Variants in SEMA3D observed in about 807,000 individuals in gnomAD.
SEMA3D encodes the protein semaphorin-3D.
A neutral mutation model predicts 100.1 loss-of-function variants in SEMA3D; 84 were observed. That is an observed-to-expected ratio of 0.84 (90% CI 0.70 to 1.01). The LOEUF (loss-of-function observed/expected upper bound fraction) is 1.01. Among genes scored for constraint, SEMA3D ranks in the 50% least tolerant of loss-of-function variants. The pLI is 0.00. For missense variants in SEMA3D, 875 were observed against 934.1 expected, an observed-to-expected ratio of 0.94 and a Z score of 0.82; for synonymous variants, 312 against 320.7, an observed-to-expected ratio of 0.97 and a Z score of 0.29.
chr7:85,152,815 A>G (rs559841349), intron 2 of SEMA3D, among the ~76,000 whole-genome samples: 2 of 152,264 alleles, frequency 1.3e-5, no homozygotes, highest in Non-Finnish European at 2.9e-5. Context: ...AAAATAGTAG[A>G]AGGGACTACC....
At chr7:85,131,887 C>T (rs1446159329) in intron 2 of SEMA3D, among the ~76,000 whole-genome samples, 1 of 151,818 alleles carries the variant, frequency 6.6e-6, no homozygotes, top group East Asian at 1.9e-4. Flanking sequence ...TTTTAACAAA[C>T]TCTTTATTAA....
chr7:85,066,998 G>C (rs16887821), intron 7 of SEMA3D, among the ~76,000 whole-genome samples: 41,446 of 151,120 alleles, frequency 0.27, 9,507 homozygotes, highest in African/African-American at 0.64. Context: ...CATCCTCTTA[G>C]AGTATTTCCC....
chr7:85,178,020 T>G (rs1019838540), intron 1 of SEMA3D, among the ~76,000 whole-genome samples: 1 of 152,164 alleles, frequency 6.6e-6, no homozygotes, highest in Non-Finnish European at 1.5e-5. Context: ...GATGGTATTA[T>G]AAGGGGCTTT....
chr7:85,021,154 C>T (rs182799753), intron 13 of SEMA3D, among the ~76,000 whole-genome samples: 1 of 151,794 alleles, frequency 6.6e-6, no homozygotes, highest in Non-Finnish European at 1.5e-5. Context: ...ACAAAATAGT[C>T]TGAATTATTT....
intron 15 of SEMA3D, among the ~76,000 whole-genome samples, chr7:85,015,562 G>A (rs534654890): frequency 2.6e-4 from 39 of 151,880 alleles, no homozygotes; most frequent in Non-Finnish European, 4.1e-4. Context: ...AGATGCTATA[G>A]GCAAAGCTCA....
At chr7:85,198,746 A>G in the SEMA3D span, among the ~76,000 whole-genome samples, 2 of 149,096 alleles carry the variant, frequency 1.3e-5, no homozygotes, top group African/African-American at 2.4e-5. Flanking sequence ...AATTGTTTTT[A>G]AAGTTTTTTA....
intron 12 of SEMA3D, among the ~76,000 whole-genome samples, chr7:85,033,730 C>T (rs1001315225): frequency 2.0e-5 from 3 of 151,398 alleles, no homozygotes; most frequent in African/African-American, 4.9e-5. Flanking sequence ...AACAAAAAAC[C>T]CCAAACCAAA....
intron 3 of SEMA3D, among the ~76,000 whole-genome samples, chr7:85,118,529 A>G (rs1346072417): frequency 6.6e-6 from 1 of 152,154 alleles, no homozygotes; most frequent in Non-Finnish European, 1.5e-5. Context: ...CTGGAAGATC[A>G]TTTCAATCCT....
intron 9 of SEMA3D, among the ~76,000 whole-genome samples, chr7:85,051,130 C>A (rs1791152480): frequency 2.0e-5 from 3 of 151,840 alleles, no homozygotes; most frequent in Non-Finnish European, 4.4e-5. Context: ...CATCCAAATT[C>A]ATATGATCTT....
Position 85,059,228 on chromosome 7 carries a change from C to T in SEMA3D, c.719-3369G>A, listed in dbSNP as rs144407692. Among the ~76,000 whole-genome samples the T allele has an allele frequency of 2.7e-3, 414 of 152,160 alleles. 4 individuals are homozygous for T. The highest frequency in any genetic ancestry group is 9.6e-3 in the African/African-American group (398 of 41,518). ...ATACAAATACAAAAATAAATAAAAC[C>T]CTATCTATATACGGGATGGGAAAAA... is the stretch of plus-strand genomic sequence containing the variant. On this transcript the variant is annotated intron_variant, in intron 8 of 18. Transcript: ENST00000284136.
intron 13 of SEMA3D, among the ~76,000 whole-genome samples, chr7:85,020,805 T>C (rs1790234037): frequency 6.6e-6 from 1 of 151,628 alleles, no homozygotes. Flanking sequence ...TCATTGAAGC[T>C]ATCTGAGGGA....
intron 2 of SEMA3D, among the ~76,000 whole-genome samples, chr7:85,151,138 C>A (rs768825447): frequency 6.6e-6 from 1 of 151,212 alleles, no homozygotes; most frequent in Admixed American, 6.6e-5. Flanking sequence ...TAATTAGAGA[C>A]GTTATCTGAT....
At chr7:85,140,900 C>CAA (rs1790029359) in intron 2 of SEMA3D, 1 of 653,296 alleles carries the variant, frequency 1.5e-6, no homozygotes, top group Non-Finnish European at 1.9e-6. Context: ...ATCTTCCTAT[C>CAA]AACACCTCAG....
intron 2 of SEMA3D, chr7:85,142,120 T>G: frequency 1.0e-6 from 1 of 984,812 alleles, no homozygotes; most frequent in Middle Eastern, 5.2e-4. Context: ...TATTAAAATT[T>G]CTAAGCAATT....
At chr7:85,044,253 G>T (rs1420148150) in intron 9 of SEMA3D, among the ~76,000 whole-genome samples, 3 of 151,890 alleles carry the variant, frequency 2.0e-5, no homozygotes, top group Non-Finnish European at 2.9e-5. Context: ...TAAATACTAT[G>T]CTTGAAGAAA....
chr7:85,041,999 C>T (rs1790877775), intron 10 of SEMA3D, 172 bp downstream of exon 10: 1 of 603,204 alleles, frequency 1.7e-6, no homozygotes, highest in Non-Finnish European at 3.0e-6. Flanking sequence ...TGACGTGTGC[C>T]CAGACCTAGA....
intron 3 of SEMA3D, among the ~76,000 whole-genome samples, chr7:85,101,757 G>A (rs937031496): frequency 6.6e-6 from 1 of 151,890 alleles, no homozygotes; most frequent in Non-Finnish European, 1.5e-5. Context: ...GATTCAAGGA[G>A]GTAATTTATA....
intron 2 of SEMA3D, among the ~76,000 whole-genome samples, chr7:85,133,764 A>G (rs1789788699): frequency 6.6e-6 from 1 of 152,020 alleles, no homozygotes; most frequent in Non-Finnish European, 1.5e-5. Context: ...TCTACGAAAT[A>G]GGATTATCAG....
the SEMA3D span, among the ~76,000 whole-genome samples, chr7:85,241,467 G>GTGTGTGTGTATATATA: frequency 1.1e-5 from 1 of 92,002 alleles, no homozygotes; most frequent in African/African-American, 5.5e-5. Flanking sequence ...CTGTGTGTGT[G>GTGTGTGTGTATATATA]TATATATATA....
Sources: allele counts gnomAD v4.1 joint callset (sites outside exome capture counted in the v4.1 genomes callset), GRCh38; gene constraint gnomAD v4.1.1; transcripts MANE v1.5; gene names NCBI Gene and HGNC (gene_info 2026-07-23, HGNC 2026-07-21).